Variants in AGAP3 observed in about 807,000 individuals in gnomAD.
AGAP3 encodes arf-GAP with GTPase, ANK repeat and PH domain-containing protein 3.
AGAP3 carries 24 observed loss-of-function variants against 96.9 expected under a neutral mutation model. The ratio of observed to expected loss-of-function variants is 0.25; its 90% CI spans 0.18 to 0.35. The LOEUF (loss-of-function observed/expected upper bound fraction) is 0.35. Among genes scored for constraint, AGAP3 ranks in the 10% least tolerant of loss-of-function variants. The pLI, the probability that AGAP3 is intolerant of heterozygous loss-of-function variation, is 1.00. For missense variants in AGAP3, 876 were observed against 1,254.2 expected, an observed-to-expected ratio of 0.70 and a Z score of 4.55; for synonymous variants, 563 against 536.1, an observed-to-expected ratio of 1.05 and a Z score of -0.69.
intron 1 of AGAP3, 124 bp from the exon 2 acceptor site, chr7:151,116,669 G>A (rs1038444729): frequency 4.5e-5 from 48 of 1,062,394 alleles, no homozygotes; most frequent in Admixed American, 2.4e-4. Flanking sequence ...TGGGGGTCCC[G>A]TGGAGGAAGC....
chr7:151,127,950 T>G (rs116059317), intron 9 of AGAP3, among the ~76,000 whole-genome samples: 3 of 152,212 alleles, frequency 2.0e-5, no homozygotes, highest in Non-Finnish European at 4.4e-5. Flanking sequence ...CTTTCGCTCA[T>G]TCTTCTAGCC....
At chr7:151,095,506 G>A (rs1798567155) in intron 1 of AGAP3, among the ~76,000 whole-genome samples, 1 of 152,020 alleles carries the variant, frequency 6.6e-6, no homozygotes, top group Non-Finnish European at 1.5e-5. Flanking sequence ...GCCTGGAGTG[G>A]GATCAAAGCC....
At chr7:151,122,853 G>T in intron 8 of AGAP3, 2 of 1,604,604 alleles carry the variant, frequency 1.2e-6, no homozygotes, top group African/African-American at 2.7e-5. Context: ...GGCGGGCCGG[G>T]CCCTGGGACT....
chr7:151,087,035 G>T lies in AGAP3; in HGVS notation c.294G>T (p.Leu98=). The change falls in exon 1 of 18, where the codon CTG becomes CTT. Residue 98 remains leucine, a synonymous_variant. Coordinates refer to ENST00000397238, the MANE Select transcript of AGAP3 (RefSeq NM_031946.7). ...DLIERIEDLA[L]QNQIREHVIS... is the part of the protein sequence containing the mutation. Reference sequence around the variant, plus strand: ...TCGAGCGCATCGAGGATTTGGCGCTGCAGAACCAGATCCGGGAGCACGTCA... The same window carrying T: ...TCGAGCGCATCGAGGATTTGGCGCTTCAGAACCAGATCCGGGAGCACGTCA... 1.9e-6 allele frequency: 3 copies of T among 1,612,026 alleles called. No homozygotes were observed. The highest frequency in any genetic ancestry group is 2.5e-6 in the Non-Finnish European group (3 of 1,179,086).
At chr7:151,137,826 G>A (rs551336240) in intron 11 of AGAP3, 4 of 397,322 alleles carry the variant, frequency 1.0e-5, no homozygotes, top group Admixed American at 8.6e-5. Flanking sequence ...GGAGCACTGC[G>A]GCGATGGGTG....
intron 3 of AGAP3, 77 bp downstream of exon 3, chr7:151,117,259 G>C (rs955873066): frequency 6.3e-7 from 1 of 1,583,326 alleles, no homozygotes; most frequent in African/African-American, 1.3e-5. Context: ...TGGGTGGGGG[G>C]TCTCCAGCCC....
At position 151,141,783 on chromosome 7, in the gene AGAP3, T is replaced by TCCCC; in HGVS notation, c.1805-114_1805-113insCCCC. 7.3e-7 allele frequency: 1 copy of TCCCC among 1,377,330 alleles called. No homozygotes were observed. The highest frequency in any genetic ancestry group is 1.0e-6 in the Non-Finnish European group (1 of 977,204). The allele number at this position is 1,377,330 out of a possible 1,614,324, so 85.3% of individuals were successfully genotyped here. On this transcript the variant is annotated intron_variant, in intron 13 of 17. Coordinates refer to ENST00000397238, the MANE Select transcript of AGAP3 (RefSeq NM_031946.7). This position sits in a 1 kb window ranked among gnomAD's most constrained non-coding sequence, Gnocchi z 4.2. ...GTGTGGCCTTGCAGCTGGGGAAGGG[T>TCCCC]CTAGGGGAGGACACTTGCCAGTGGA...
intron 1 of AGAP3, among the ~76,000 whole-genome samples, chr7:151,105,626 A>G (rs886882351): frequency 1.3e-5 from 2 of 151,146 alleles, no homozygotes; most frequent in African/African-American, 4.9e-5. Context: ...TTAGCCGGGC[A>G]TAGCTGACAC....
chr7:151,134,168 G>A (rs376255246), intron 10 of AGAP3, among the ~76,000 whole-genome samples: 116 of 152,092 alleles, frequency 7.6e-4, no homozygotes, highest in African/African-American at 2.7e-3. Flanking sequence ...GTCCTTCGCC[G>A]CCCCCAACTC....
intron 10 of AGAP3, among the ~76,000 whole-genome samples, chr7:151,130,082 G>A (rs910972794): frequency 5.9e-5 from 9 of 152,200 alleles, no homozygotes; most frequent in African/African-American, 1.7e-4. Context: ...TGCCCACCTC[G>A]GTGGCGGAGC....
chr7:151,087,085 G>A lies in AGAP3; in HGVS notation c.331+13G>A. On this transcript the variant is annotated intron_variant, in intron 1 of 17. Transcript: ENST00000397238. ...ATCTCCATCGAGGGTGAGCGGAGCCGGGGGCTGCGGGAGCCGGGGCGCAGT... is the reference window on the plus strand; with the variant it reads ...ATCTCCATCGAGGGTGAGCGGAGCCAGGGGCTGCGGGAGCCGGGGCGCAGT... 6.3e-7 allele frequency: 1 copy of A among 1,579,800 alleles called. No homozygotes were observed. Among genetic ancestry groups the A allele is most frequent in the Non-Finnish European group, 8.6e-7 (1 of 1,162,678 alleles).
intron 1 of AGAP3, among the ~76,000 whole-genome samples, chr7:151,112,702 G>T (rs938703213): frequency 6.6e-6 from 1 of 152,024 alleles, no homozygotes; most frequent in East Asian, 1.9e-4. Flanking sequence ...GGGCTCAAGC[G>T]ATCCTCCCAC....
rs1048266326 is a variant in AGAP3 at position 151,118,973 on chromosome 7, C to T, written c.969+341C>T. Among the ~76,000 whole-genome samples the T allele has an allele frequency of 2.2e-4, 34 of 152,234 alleles. No homozygotes were observed. Among genetic ancestry groups the T allele is most frequent in the African/African-American group, 8.2e-4 (34 of 41,458 alleles). ...TCAAGGCAGCAGCCACTGCACTTTA[C>T]CTCTGCCAATGACCGTCATCTCTCC... On this transcript the variant is annotated intron_variant, in intron 7 of 17. Transcript: ENST00000397238. The surrounding 1 kb of genome is among the most constrained non-coding windows in gnomAD (Gnocchi z 6.1).
At chr7:151,124,739 T>C (rs900611316) in intron 9 of AGAP3, among the ~76,000 whole-genome samples, 6 of 152,014 alleles carry the variant, frequency 3.9e-5, no homozygotes, top group African/African-American at 1.4e-4. Context: ...TGACTGCTTG[T>C]GGGGAGGGGC....
rs1320871437 is a variant in AGAP3, at chr7:151,133,346, A to G, written c.1327-1054A>G. Among the ~76,000 whole-genome samples the G allele has an allele frequency of 2.6e-5, 4 of 152,174 alleles. 1 individual carries two copies. Among genetic ancestry groups the G allele is most frequent in the Admixed American group, 2.6e-4 (4 of 15,280 alleles). ...AGTGTCTGATACTAAACACTTGTCA[A>G]ACAGTTTAAAGGGAAGCCTCTGGAG... On this transcript the variant is annotated intron_variant, in intron 10 of 17. Coordinates refer to ENST00000397238, the MANE Select transcript of AGAP3 (RefSeq NM_031946.7). The surrounding 1 kb of genome is among the most constrained non-coding windows in gnomAD (Gnocchi z 5.4).
At chr7:151,125,218 G>A (rs2150499637) in intron 9 of AGAP3, among the ~76,000 whole-genome samples, 1 of 152,332 alleles carries the variant, frequency 6.6e-6, no homozygotes, top group South Asian at 2.1e-4. Context: ...GGCGGTGAGT[G>A]GGTGTGTAGA....
chr7:151,118,760 G>A lies in AGAP3; in HGVS notation c.969+128G>A, dbSNP rs1799720626. On this transcript the variant is annotated intron_variant, in intron 7 of 17. Coordinates refer to ENST00000397238, the MANE Select transcript of AGAP3 (RefSeq NM_031946.7). The surrounding 1 kb of genome is among the most constrained non-coding windows in gnomAD (Gnocchi z 6.1). ...TTCCTCTGGCCTCCCAGCCTTGCAT[G>A]TTGCTTGGAAACATTGGTTGGAATT... is the stretch of plus-strand genomic sequence containing the variant. The A allele has an allele frequency of 7.6e-7, 1 of 1,311,052 alleles. No individual in the cohort carries two copies. Among genetic ancestry groups the A allele is most frequent in the Non-Finnish European group, 1.1e-6 (1 of 942,276 alleles). 81.2% of individuals were successfully genotyped at this position (1,311,052 alleles called of 1,614,324 possible).
chr7:151,133,929 C>G lies in AGAP3; in HGVS notation c.1327-471C>G, dbSNP rs1337412368. Among the ~76,000 whole-genome samples the G allele has an allele frequency of 7.9e-5, 12 of 152,192 alleles. No individual in the cohort carries two copies. The highest frequency in any genetic ancestry group is 5.9e-5 in the Non-Finnish European group (4 of 68,032). On this transcript the variant is annotated intron_variant, in intron 10 of 17. Transcript: ENST00000397238. This position sits in a 1 kb window ranked among gnomAD's most constrained non-coding sequence, Gnocchi z 5.4. The stretch of plus-strand genomic sequence containing the variant: ...TTTGACAAGTGTTTATTATCAGACA[C>G]TGTCCTAAGGGCTGGGACTATTCTA...
intron 1 of AGAP3, 188 bp from the exon 2 acceptor site, chr7:151,116,605 G>C (rs1197359391): frequency 3.1e-6 from 2 of 645,130 alleles, no homozygotes; most frequent in African/African-American, 3.6e-5. Context: ...TCCTTACTCT[G>C]CTTCACTCAA....
Sources: gnomAD v4.1 joint callset for allele counts (sites outside exome capture counted in the v4.1 genomes callset) on GRCh38, gnomAD v4.1.1 for gene constraint, Gnocchi (gnomAD v3.1) non-coding constraint, MANE v1.5 for transcripts, NCBI Gene and HGNC (gene_info 2026-07-23, HGNC 2026-07-21) for gene names.